The following CYRIA variants were observed in gnomAD, a reference collection of about 807,000 sequenced individuals.
CYRIA encodes CYFIP related Rac1 interactor A.
A neutral mutation model predicts 43.9 loss-of-function variants in CYRIA; 15 were observed. That is an observed-to-expected ratio of 0.34 (90% confidence interval 0.23 to 0.53). The LOEUF is 0.53. Among genes scored for constraint, CYRIA ranks in the 20% least tolerant of loss-of-function variants. CYRIA has a pLI of 0.94. For missense variants in CYRIA, 236 were observed against 394.2 expected (o/e 0.60, Z 3.40); for synonymous variants, 117 against 136.0 (o/e 0.86, Z 0.97).
At chr2:16,660,240 C>T (rs1366247489) in intron 1 of CYRIA, among the ~76,000 whole-genome samples, 2 of 152,304 alleles carry the variant, frequency 1.3e-5, no homozygotes, top group Admixed American at 6.5e-5. Flanking sequence ...ATTTCACCAA[C>T]AGTGAAACTG....
intron 3 of CYRIA, among the ~76,000 whole-genome samples, chr2:16,579,734 C>T (rs901240192): frequency 1.3e-5 from 2 of 151,174 alleles, no homozygotes; most frequent in African/African-American, 4.9e-5. Flanking sequence ...ATAGAGTATC[C>T]CAAACAGTTT....
intron 2 of CYRIA, among the ~76,000 whole-genome samples, chr2:16,611,544 T>G (rs1668602980): frequency 6.6e-6 from 1 of 152,038 alleles, no homozygotes; most frequent in Admixed American, 6.5e-5. Flanking sequence ...GTGATCTGGG[T>G]AAAGGCAAAG....
At chr2:16,640,394 T>C (rs1052473603) in intron 1 of CYRIA, among the ~76,000 whole-genome samples, 1 of 152,164 alleles carries the variant, frequency 6.6e-6, no homozygotes, top group Non-Finnish European at 1.5e-5. Flanking sequence ...TTGGGGGCCA[T>C]AGCCTGCCAT....
At chr2:16,559,681 C>G (rs988163135) in intron 9 of CYRIA, 95 bp from the exon 10 acceptor site, 12 of 1,406,730 alleles carry the variant, frequency 8.5e-6, no homozygotes, top group African/African-American at 2.9e-5. Flanking sequence ...CTCCAATCCT[C>G]TCTTGGGAAC....
chr2:16,600,036 G>A (rs1227094746), intron 2 of CYRIA, among the ~76,000 whole-genome samples: 4 of 152,172 alleles, frequency 2.6e-5, no homozygotes, highest in South Asian at 4.1e-4. Context: ...GATTACAGGC[G>A]TGAGCCATCG....
chr2:16,617,723 C>A, intron 2 of CYRIA, among the ~76,000 whole-genome samples: 1 of 152,202 alleles, frequency 6.6e-6, no homozygotes, highest in East Asian at 1.9e-4. Flanking sequence ...GCGGGGCTTC[C>A]TGTTGGTGGT....
chr2:16,557,112 G>A (rs1345046867), intron 10 of CYRIA, among the ~76,000 whole-genome samples: 1 of 152,140 alleles, frequency 6.6e-6, no homozygotes, highest in Non-Finnish European at 1.5e-5. Flanking sequence ...GAAATCAATT[G>A]AAAACACCAT....
intron 1 of CYRIA, among the ~76,000 whole-genome samples, chr2:16,639,167 TG>T (rs1365694929): frequency 1.3e-5 from 2 of 152,230 alleles, no homozygotes; most frequent in African/African-American, 2.4e-5. Context: ...CAATGCACTC[TG>T]GTAATCGCTC....
intron 1 of CYRIA, among the ~76,000 whole-genome samples, chr2:16,664,906 C>T (rs1222596071): frequency 1.3e-5 from 2 of 152,186 alleles, no homozygotes; most frequent in Non-Finnish European, 2.9e-5. Context: ...AGAAAGATTG[C>T]TCCATCAGTT....
chr2:16,611,815 G>A (rs1300798394), intron 2 of CYRIA, among the ~76,000 whole-genome samples: 1 of 152,196 alleles, frequency 6.6e-6, no homozygotes, highest in African/African-American at 2.4e-5. Context: ...AGGGGTCTCT[G>A]GAGTGGCAGC....
Position 16,551,294 on chromosome 2 carries a change from A to G in CYRIA, c.*1642T>C, listed in dbSNP as rs1666300285. ...ATAGCTCATTCCTGGGATGTTGCAA[A>G]TAATGCCAAACTCTGATGTACTCAG... On this transcript the variant is annotated 3_prime_UTR_variant, in exon 12 of 12. Coordinates refer to ENST00000381323, the MANE Select transcript of CYRIA (RefSeq NM_030797.4). The G allele has an allele frequency of 6.6e-6, 1 of 152,158 alleles. No homozygotes were observed. The highest frequency in any genetic ancestry group is 2.4e-5 in the African/African-American group (1 of 41,444). 9.4% of individuals were successfully genotyped at this position (152,158 alleles called of 1,614,324 possible).
At chr2:16,657,871 T>C (rs974171613) in intron 1 of CYRIA, among the ~76,000 whole-genome samples, 7 of 152,228 alleles carry the variant, frequency 4.6e-5, no homozygotes, top group Admixed American at 3.9e-4. Context: ...TTATAGAGTC[T>C]CTGGGCCAGC....
chr2:16,643,124 A>C (rs1051014843), intron 1 of CYRIA, among the ~76,000 whole-genome samples: 3 of 151,872 alleles, frequency 2.0e-5, no homozygotes, highest in Admixed American at 2.0e-4. Context: ...TTACTTTAAC[A>C]TTATTAAAGT....
At chr2:16,618,990 C>A (rs992780016) in intron 2 of CYRIA, among the ~76,000 whole-genome samples, 4 of 152,158 alleles carry the variant, frequency 2.6e-5, no homozygotes, top group African/African-American at 9.7e-5. Flanking sequence ...AAAGAGGGGA[C>A]AATTAGACAA....
intron 2 of CYRIA, among the ~76,000 whole-genome samples, chr2:16,606,219 A>C (rs987609439): frequency 6.6e-6 from 1 of 152,052 alleles, no homozygotes; most frequent in African/African-American, 2.4e-5. Flanking sequence ...TCACCCAACA[A>C]AAAGCATTAT....
chr2:16,626,666 T>TC (rs1669177632), intron 1 of CYRIA, among the ~76,000 whole-genome samples: 1 of 152,100 alleles, frequency 6.6e-6, no homozygotes, highest in African/African-American at 2.4e-5. Flanking sequence ...GGGCCAAGTG[T>TC]CCATTAGGGA....
In CYRIA at chr2:16,559,459, C is replaced by T; in HGVS notation, c.837+1G>A. 1 of 1,611,806 alleles carries T rather than the reference C, an allele frequency of 6.2e-7. No homozygotes were observed. The highest frequency in any genetic ancestry group is 8.5e-7 in the Non-Finnish European group (1 of 1,178,968). ...AAAGCACATTTCACAACTATTCTTA[C>T]ATCGATCTTGGATGTCTTGCAGAAA... On this transcript the variant is annotated splice_donor_variant, in intron 10 of 11. Transcript: ENST00000381323. LOFTEE classifies it high-confidence loss of function.
chr2:16,575,096 G>C (rs1230317915), intron 3 of CYRIA, among the ~76,000 whole-genome samples: 1 of 152,196 alleles, frequency 6.6e-6, no homozygotes, highest in Non-Finnish European at 1.5e-5. Context: ...TCTTGCATCA[G>C]TGTGACCTGG....
intron 8 of CYRIA, 23 bp downstream of exon 8, chr2:16,561,138 C>A: frequency 6.2e-7 from 1 of 1,610,900 alleles, no homozygotes; most frequent in East Asian, 2.2e-5. Context: ...GAAAAAAGCA[C>A]CTCGTTGCTC....
Sources: gnomAD v4.1 joint callset for allele counts (sites outside exome capture counted in the v4.1 genomes callset) on GRCh38, gnomAD v4.1.1 for gene constraint, MANE v1.5 for transcripts, NCBI Gene and HGNC (gene_info 2026-07-23, HGNC 2026-07-21) for gene names.